The following GNG2 variants were observed in gnomAD, a reference collection of about 807,000 sequenced individuals.
GNG2 encodes the protein G protein subunit gamma 2.
In GNG2, 5 loss-of-function variants were observed where a neutral mutation model predicts 5.5. The ratio of observed to expected loss-of-function variants is 0.91; its 90% CI spans 0.48 to 1.92. The LOEUF is 1.92. Ranked by LOEUF, GNG2 falls within the 30% of genes most tolerant of loss-of-function variation. GNG2 has a pLI of 0.01. For synonymous variants in GNG2, 28 were observed against 32.0 expected (o/e 0.88, Z 0.42); for missense variants, 55 against 88.4 (o/e 0.62, Z 1.52).
At chr14:51,847,733 T>C (rs1403308102) in intron 2 of GNG2, among the ~76,000 whole-genome samples, 52 of 152,154 alleles carry the variant, frequency 3.4e-4, no homozygotes, top group Admixed American at 3.4e-3. Context: ...TTATTTAGTC[T>C]GACCTTTGGA....
At chr14:51,965,596 A>C (rs958205525) in intron 3 of GNG2, among the ~76,000 whole-genome samples, 1 of 152,214 alleles carries the variant, frequency 6.6e-6, no homozygotes, top group Non-Finnish European at 1.5e-5. Context: ...GTGAAATATC[A>C]CTAAAGGGCA....
intron 3 of GNG2, among the ~76,000 whole-genome samples, chr14:51,959,221 C>G (rs1218920055): frequency 2.0e-5 from 3 of 152,044 alleles, no homozygotes; most frequent in Non-Finnish European, 4.4e-5. Flanking sequence ...TCTCTAGGAC[C>G]TTGATTACCA....
At chr14:51,952,279 T>C (rs1424206475) in intron 3 of GNG2, 1 of 199,808 alleles carries the variant, frequency 5.0e-6, no homozygotes, top group Non-Finnish European at 1.0e-5. Flanking sequence ...GCTCCTGCTC[T>C]TCTTTCAACA....
At chr14:51,852,349 T>C (rs993182395) in intron 2 of GNG2, among the ~76,000 whole-genome samples, 3 of 152,244 alleles carry the variant, frequency 2.0e-5, no homozygotes, top group African/African-American at 7.2e-5. Context: ...TATTCATATA[T>C]GCAAATAAGA....
upstream of GNG2, among the ~76,000 whole-genome samples, chr14:51,859,922 T>G (rs951234963): frequency 6.6e-6 from 1 of 152,206 alleles, no homozygotes; most frequent in African/African-American, 2.4e-5. Flanking sequence ...GTCCTCACTA[T>G]TAGGCCTATA....
At position 51,911,962 on chromosome 14, in the gene GNG2, C is replaced by T. The variant is rs939593141; in HGVS notation, c.-30+34305C>T. Among the ~76,000 whole-genome samples, 3 of 148,222 alleles carry T rather than the reference C, an allele frequency of 2.0e-5. 1 individual carries two copies. In the South Asian group the frequency reaches 6.6e-4, roughly 33 times the overall value. On this transcript the variant is annotated intron_variant, in intron 2 of 3. Coordinates refer to ENST00000556766, the MANE Select transcript of GNG2 (RefSeq NM_053064.5). Reference sequence around the variant, plus strand: ...GCTTAGTAAATGAAAAAAAGTATAGCTAATAGTGTCAGGCACTGTTCTAGG... The same window carrying T: ...GCTTAGTAAATGAAAAAAAGTATAGTTAATAGTGTCAGGCACTGTTCTAGG...
At chr14:51,884,479 G>A (rs1566663607) in intron 2 of GNG2, among the ~76,000 whole-genome samples, 1 of 152,308 alleles carries the variant, frequency 6.6e-6, no homozygotes, top group East Asian at 1.9e-4. Context: ...GGTTCCCAGA[G>A]GTTAAGTAAT....
At chr14:51,924,793 C>T (rs188024965) in intron 2 of GNG2, among the ~76,000 whole-genome samples, 1 of 152,214 alleles carries the variant, frequency 6.6e-6, no homozygotes, top group Admixed American at 6.5e-5. Flanking sequence ...ACTGGTCTCA[C>T]TTAGCATCTA....
chr14:51,855,155 A>C (rs1413393171), intron 2 of GNG2, among the ~76,000 whole-genome samples: 1 of 152,210 alleles, frequency 6.6e-6, no homozygotes, highest in Non-Finnish European at 1.5e-5. Flanking sequence ...AATATCAGAG[A>C]AGGATCTGGG....
At chr14:51,876,158 C>T (rs1336761844) in intron 1 of GNG2, among the ~76,000 whole-genome samples, 1 of 152,064 alleles carries the variant, frequency 6.6e-6, no homozygotes, top group Non-Finnish European at 1.5e-5. Flanking sequence ...AGGCTGGTCT[C>T]AAACTCCTGG....
intron 3 of GNG2, chr14:51,952,047 G>T (rs2140287249): frequency 1.6e-6 from 1 of 612,562 alleles, no homozygotes; most frequent in East Asian, 2.8e-5. Flanking sequence ...TTTTTAAAAA[G>T]AATTTTTCAG....
intron 3 of GNG2, among the ~76,000 whole-genome samples, chr14:51,951,168 C>CGG (rs1888955502): frequency 6.6e-6 from 1 of 152,178 alleles, no homozygotes; most frequent in South Asian, 2.1e-4. Flanking sequence ...TTGGGTCTAA[C>CGG]ACTTCTAGTT....
At chr14:51,963,284 C>G (rs1270568911) in intron 3 of GNG2, among the ~76,000 whole-genome samples, 1 of 152,104 alleles carries the variant, frequency 6.6e-6, no homozygotes, top group Non-Finnish European at 1.5e-5. Flanking sequence ...ATTAAATTTT[C>G]CTAGTATAGT....
At chr14:51,884,723 C>A (rs1594874639) in intron 2 of GNG2, among the ~76,000 whole-genome samples, 1 of 152,154 alleles carries the variant, frequency 6.6e-6, no homozygotes, top group African/African-American at 2.4e-5. Context: ...AAGGTGGCTG[C>A]CTCTGTCCTC....
At chr14:51,962,201 A>AT (rs1411290506) in intron 3 of GNG2, among the ~76,000 whole-genome samples, 1 of 45,990 alleles carries the variant, frequency 2.2e-5, no homozygotes, top group Non-Finnish European at 5.3e-5. Flanking sequence ...AAACATTTTA[A>AT]ATAATATTAT....
chr14:51,930,534 C>T (rs1455003993), intron 2 of GNG2, among the ~76,000 whole-genome samples: 2 of 152,224 alleles, frequency 1.3e-5, no homozygotes, highest in African/African-American at 4.8e-5. Context: ...TCTCTATTGT[C>T]TCTTCATCTG....
intron 2 of GNG2, among the ~76,000 whole-genome samples, chr14:51,878,328 A>G (rs1170721156): frequency 1.3e-5 from 2 of 152,130 alleles, no homozygotes; most frequent in African/African-American, 4.8e-5. Flanking sequence ...GAAAAATGCC[A>G]AGTGTGTACC....
chr14:51,875,756 CA>C (rs1316768667), intron 1 of GNG2, among the ~76,000 whole-genome samples: 1 of 150,336 alleles, frequency 6.7e-6, no homozygotes, highest in Non-Finnish European at 1.5e-5. Flanking sequence ...GTTGAGTTCA[CA>C]CTATATATAA....
In GNG2 at chr14:51,889,143, C is replaced by T. The variant is rs148537272; in HGVS notation, c.-30+11486C>T. 4.2e-3 allele frequency among the ~76,000 whole-genome samples: 591 copies of T among 139,486 alleles called. 5 individuals carry two copies. The highest frequency in any genetic ancestry group is 0.015 in the African/African-American group (560 of 37,188). 91.5% of individuals were successfully genotyped at this position (139,486 alleles called of 152,430 possible). On this transcript the variant is annotated intron_variant, in intron 2 of 3. Transcript: ENST00000556766. The stretch of plus-strand genomic sequence containing the variant: ...TTTTTTTTTTTTTGAGATGGAGTCT[C>T]GCTCTGTCGCCTAGGCTGGAGTACA...
Sources: allele counts gnomAD v4.1 joint callset (sites outside exome capture counted in the v4.1 genomes callset), GRCh38; gene constraint gnomAD v4.1.1; transcripts MANE v1.5; gene names NCBI Gene and HGNC (gene_info 2026-07-23, HGNC 2026-07-21).